The following FUCA1 variants were observed in gnomAD, a reference collection of about 807,000 sequenced individuals.
The protein encoded by FUCA1 is tissue alpha-L-fucosidase.
In FUCA1, 52 loss-of-function variants were observed where a neutral mutation model predicts 56.8. The observed-to-expected ratio is 0.92, with a 90% CI of 0.73 to 1.15. The LOEUF is 1.15. Ranked by LOEUF, FUCA1 falls within the 50% of genes most tolerant of loss-of-function variation. The pLI, the probability that FUCA1 is intolerant of heterozygous loss-of-function variation, is 0.00. For missense variants in FUCA1, 568 were observed against 592.6 expected, an observed-to-expected ratio of 0.96 and a Z score of 0.43; for synonymous variants, 230 against 226.6, an observed-to-expected ratio of 1.02 and a Z score of -0.14.
chr1:23,857,828 C>G (rs1639425445), intron 4 of FUCA1, among the ~76,000 whole-genome samples: 1 of 149,866 alleles, frequency 6.7e-6, no homozygotes, highest in African/African-American at 2.5e-5. Flanking sequence ...AAAATTAGGC[C>G]CGGCCTAATT....
At chr1:23,847,365 C>T (rs1242433043) in intron 6 of FUCA1, among the ~76,000 whole-genome samples, 1 of 150,102 alleles carries the variant, frequency 6.7e-6, no homozygotes, top group Non-Finnish European at 1.5e-5. Context: ...TCTGAGACTG[C>T]ACCCAGCCTG....
chr1:23,863,918 G>A (rs1639565380), intron 2 of FUCA1, among the ~76,000 whole-genome samples: 1 of 151,890 alleles, frequency 6.6e-6, no homozygotes, highest in South Asian at 2.1e-4. Context: ...TGTCTTCCCT[G>A]TCAATCATAA....
At chr1:23,853,766 A>C (rs12124188) in intron 5 of FUCA1, among the ~76,000 whole-genome samples, 61,478 of 149,162 alleles carry the variant, frequency 0.41, 12,637 homozygotes, top group East Asian at 0.47. Context: ...GACCCTACCC[A>C]CAACCCTGTG....
At chr1:23,849,575 CTTTTTTTTTTT>C (rs991049814) in intron 5 of FUCA1, among the ~76,000 whole-genome samples, 5 of 80,264 alleles carry the variant, frequency 6.2e-5, no homozygotes, top group East Asian at 8.1e-4. Context: ...GAGATACGTT[CTTTTTTTTTTT>C]TTTTTTTTTT....
Position 23,852,902 on chromosome 1 carries a change from T to C in FUCA1, c.969+1458A>G, listed in dbSNP as rs1357492279. Among the ~76,000 whole-genome samples the C allele has an allele frequency of 2.6e-5, 4 of 151,880 alleles. No individual in the cohort carries two copies. In the South Asian group the frequency reaches 6.3e-4, roughly 24 times the overall value. ...CAGCCTCTGCCCGGCCGCCACCCCGTCTGGGAAGTGAGGAGCGTCTCTGCC... is the reference window on the plus strand; with the variant it reads ...CAGCCTCTGCCCGGCCGCCACCCCGCCTGGGAAGTGAGGAGCGTCTCTGCC... On this transcript the variant is annotated intron_variant, in intron 5 of 7. Coordinates refer to ENST00000374479, the MANE Select transcript of FUCA1 (RefSeq NM_000147.5).
chr1:23,867,532 G>A lies in FUCA1; in HGVS notation c.389+366C>T, dbSNP rs1251648861. On this transcript the variant is annotated intron_variant, in intron 1 of 7. Coordinates refer to ENST00000374479, the MANE Select transcript of FUCA1 (RefSeq NM_000147.5). This position sits in a 1 kb window ranked among gnomAD's most constrained non-coding sequence, Gnocchi z 4.9. ...AGGGAGGCTGAAGTGACATGTCCAG[G>A]TTCACAGTTGAATTAGAACCAGGCT... Among the ~76,000 whole-genome samples, 6 of 152,190 alleles carry A rather than the reference G, an allele frequency of 3.9e-5. No homozygotes were observed. The East Asian group carries it at 1.2e-3, about 29-fold the overall frequency.
chr1:23,862,887 T>C (rs1487361753), intron 3 of FUCA1, among the ~76,000 whole-genome samples: 4 of 152,226 alleles, frequency 2.6e-5, no homozygotes, highest in African/African-American at 9.6e-5. Context: ...AACTAAAATT[T>C]TGACTTTCTG....
Position 23,863,263 on chromosome 1 carries a change from C to T in FUCA1, c.533G>A (p.Arg178His), listed in dbSNP as rs145537354. 1.7e-5 allele frequency: 28 copies of T among 1,612,788 alleles called. No homozygotes were observed. The highest frequency in any genetic ancestry group is 2.7e-5 in the African/African-American group (2 of 74,848). ...TAAGAGTGAGTGGTATAGTCCATAGCGGATGTTCCTTAAACAGAAAAACAG... is the reference window on the plus strand; with the variant it reads ...TAAGAGTGAGTGGTATAGTCCATAGTGGATGTTCCTTAAACAGAAAAACAG... ...LGTALRKRNI[R>H]YGLYHSLLEW... The change falls in exon 3 of 8, where the codon CGC becomes CAC. Residue 178 changes from arginine to histidine, a missense_variant. Physicochemically the swap from Arg to His is conservative, Grantham distance 29. Transcript: ENST00000374479.
intron 1 of FUCA1, among the ~76,000 whole-genome samples, chr1:23,866,713 C>T (rs575967085): frequency 3.9e-5 from 6 of 152,324 alleles, no homozygotes; most frequent in African/African-American, 1.4e-4. Context: ...TTTGCAGACC[C>T]TGGTGCAGTG....
At chr1:23,855,428 C>T (rs1291965126) in intron 4 of FUCA1, among the ~76,000 whole-genome samples, 3 of 152,138 alleles carry the variant, frequency 2.0e-5, no homozygotes, top group African/African-American at 4.8e-5. Flanking sequence ...ACCTGGGAGG[C>T]GGAGGTAGCA....
At position 23,867,200 on chromosome 1, in the gene FUCA1, C is replaced by A. The variant is rs1182407485; in HGVS notation, c.389+698G>T. ...CAATACAGGGCTCTCAAGGCTCACTCCTTCAGGACAAGCCCCTGCCTTGAC... is the reference window on the plus strand; with the variant it reads ...CAATACAGGGCTCTCAAGGCTCACTACTTCAGGACAAGCCCCTGCCTTGAC... On this transcript the variant is annotated intron_variant, in intron 1 of 7. Coordinates refer to ENST00000374479, the MANE Select transcript of FUCA1 (RefSeq NM_000147.5). The surrounding 1 kb of genome is among the most constrained non-coding windows in gnomAD (Gnocchi z 4.9). Among the ~76,000 whole-genome samples the A allele has an allele frequency of 6.6e-6, 1 of 152,192 alleles. No homozygotes were observed. The highest frequency in any genetic ancestry group is 2.4e-5 in the African/African-American group (1 of 41,444).
At position 23,848,850 on chromosome 1, in the gene FUCA1, C is replaced by T. The variant is rs763140201; in HGVS notation, c.970-11G>A. 3.7e-6 allele frequency: 6 copies of T among 1,612,380 alleles called. No individual in the cohort carries two copies. The African/African-American group carries it at 6.7e-5, about 18-fold the overall frequency. ...TGTCTGAACCAGTTCCTGGAGAGAA[C>T]AGAAACAATGAAAGTCTAGCTATGA... is the stretch of plus-strand genomic sequence containing the variant. On this transcript the variant is annotated splice_polypyrimidine_tract_variant and intron_variant, in intron 5 of 7. Transcript: ENST00000374479.
At chr1:23,855,458 C>CTT (rs1639372388) in intron 4 of FUCA1, among the ~76,000 whole-genome samples, 1 of 152,250 alleles carries the variant, frequency 6.6e-6, no homozygotes, top group African/African-American at 2.4e-5. Flanking sequence ...GATCGTGCCA[C>CTT]TGCACTCCAG....
chr1:23,861,676 C>T (rs1639516439), intron 3 of FUCA1, among the ~76,000 whole-genome samples: 1 of 152,136 alleles, frequency 6.6e-6, no homozygotes, highest in African/African-American at 2.4e-5. Flanking sequence ...TGTGTATATA[C>T]ATAAATACAT....
rs140858903 is a variant in FUCA1 at position 23,867,996 on chromosome 1, G to A, written c.291C>T (p.Tyr97=). Residue 97 remains tyrosine, a synonymous_variant, in exon 1 of 8, where the codon TAC becomes TAT. Coordinates refer to ENST00000374479, the MANE Select transcript of FUCA1 (RefSeq NM_000147.5). This position sits in a 1 kb window ranked among gnomAD's most constrained non-coding sequence, Gnocchi z 4.9. ...AGTCGGCGTAGCTGAAGCCGGGCGG[G>A]TAGTTGTCGCGCATGAAGCGCTGGT... is the stretch of plus-strand genomic sequence containing the variant. ...PQYQRFMRDN[Y]PPGFSYADFG... is the part of the protein sequence containing the mutation. 3 of 1,604,798 alleles carry A rather than the reference G, an allele frequency of 1.9e-6. No homozygotes were observed. The highest frequency in any genetic ancestry group is 2.5e-6 in the Non-Finnish European group (3 of 1,176,874).
chr1:23,865,698 G>A, intron 1 of FUCA1, 73 bp from the exon 2 acceptor site: 4 of 1,562,816 alleles, frequency 2.6e-6, no homozygotes, highest in Non-Finnish European at 3.5e-6. Context: ...GCATGCCTGA[G>A]GCTTTTTAAA....
intron 4 of FUCA1, among the ~76,000 whole-genome samples, chr1:23,859,345 T>A (rs1639459144): frequency 6.6e-6 from 1 of 151,980 alleles, no homozygotes; most frequent in Non-Finnish European, 1.5e-5. Flanking sequence ...GGTGAGCGGA[T>A]CACCAGAGGT....
Position 23,845,977 on chromosome 1 carries a change from G to A in FUCA1, c.1260+97C>T, listed in dbSNP as rs907433971. 3 of 1,503,956 alleles carry A rather than the reference G, an allele frequency of 2.0e-6. No homozygotes were observed. In the Admixed American group the frequency reaches 5.0e-5, roughly 25 times the overall value. The allele number at this position is 1,503,956 out of a possible 1,614,324, so 93.2% of individuals were successfully genotyped here. ...GCAGGAAAGCCAGTCTAAAAGAGGT[G>A]TGAATATGGGAGAAACCTGGCAGGG... On this transcript the variant is annotated intron_variant, in intron 7 of 7. Coordinates refer to ENST00000374479, the MANE Select transcript of FUCA1 (RefSeq NM_000147.5).
chr1:23,856,606 G>T (rs1639395881), intron 4 of FUCA1, among the ~76,000 whole-genome samples: 1 of 152,212 alleles, frequency 6.6e-6, no homozygotes, highest in South Asian at 2.1e-4. Flanking sequence ...AAATGAAGGA[G>T]AATCTACAGT....
Sources: gnomAD v4.1 joint callset for allele counts (sites outside exome capture counted in the v4.1 genomes callset) on GRCh38, gnomAD v4.1.1 for gene constraint, Gnocchi (gnomAD v3.1) non-coding constraint, MANE v1.5 for transcripts, NCBI Gene and HGNC (gene_info 2026-07-23, HGNC 2026-07-21) for gene names.